ST8SIA5: variants seen among roughly 807,000 people sequenced by gnomAD.
ST8SIA5 encodes alpha-2,8-sialyltransferase 8E.
A neutral mutation model predicts 40.2 loss-of-function variants in ST8SIA5; 24 were observed. That is an observed-to-expected ratio of 0.60 (90% CI 0.43 to 0.84). ST8SIA5 has a LOEUF of 0.84. ST8SIA5 is among the 40% of genes least tolerant of loss of function. The probability of loss-of-function intolerance (pLI) is 0.00; values close to 1 mark genes in which losing one functional copy is unlikely to be tolerated. For synonymous variants in ST8SIA5, 198 were observed against 201.8 expected (o/e 0.98, Z 0.16); for missense variants, 465 against 498.5 (o/e 0.93, Z 0.64).
At chr18:46,745,297 A>G (rs1217185184) in intron 1 of ST8SIA5, among the ~76,000 whole-genome samples, 1 of 152,214 alleles carries the variant, frequency 6.6e-6, no homozygotes, top group Non-Finnish European at 1.5e-5. Context: ...TGAAACGATC[A>G]ACAAAATTGA....
intron 5 of ST8SIA5, among the ~76,000 whole-genome samples, chr18:46,684,962 C>G (rs537925802): frequency 3.5e-4 from 54 of 152,146 alleles, no homozygotes; most frequent in South Asian, 8.3e-4. Flanking sequence ...GCTGGGGAGA[C>G]AGCATTCCAG....
chr18:46,750,648 C>T (rs1165667832), intron 1 of ST8SIA5, among the ~76,000 whole-genome samples: 2 of 152,130 alleles, frequency 1.3e-5, no homozygotes, highest in East Asian at 1.9e-4. Context: ...TCCTGGCATG[C>T]CACAGTTGGC....
At chr18:46,705,174 G>A (rs1288118825) in intron 1 of ST8SIA5, among the ~76,000 whole-genome samples, 1 of 152,176 alleles carries the variant, frequency 6.6e-6, no homozygotes, top group African/African-American at 2.4e-5. Context: ...CCATTTGGCA[G>A]CTGACAATAC....
chr18:46,679,682 G>A lies in ST8SIA5; in HGVS notation c.*360C>T. ...GGGTCTTCCTTCAGCTGCAACAAGGGCCTGCAGTTTGTGCTCTCTCTCGGA... is the reference window on the plus strand; with the variant it reads ...GGGTCTTCCTTCAGCTGCAACAAGGACCTGCAGTTTGTGCTCTCTCTCGGA... On this transcript the variant is annotated 3_prime_UTR_variant, in exon 7 of 7. Coordinates refer to ENST00000315087, the MANE Select transcript of ST8SIA5 (RefSeq NM_013305.6). 2 of 302,954 alleles carry A rather than the reference G, an allele frequency of 6.6e-6. No homozygotes were observed. Among genetic ancestry groups the A allele is most frequent in the South Asian group, 8.5e-5 (2 of 23,536 alleles). 18.8% of individuals were successfully genotyped at this position (302,954 alleles called of 1,614,324 possible).
chr18:46,737,322 T>C (rs537947314), intron 1 of ST8SIA5, among the ~76,000 whole-genome samples: 1 of 152,280 alleles, frequency 6.6e-6, no homozygotes, highest in Admixed American at 6.5e-5. Flanking sequence ...TGCCACAAAA[T>C]TGCGAGTTTA....
intron 1 of ST8SIA5, among the ~76,000 whole-genome samples, chr18:46,725,230 G>C (rs2039904847): frequency 2.0e-5 from 3 of 152,234 alleles, no homozygotes; most frequent in Middle Eastern, 3.4e-3. Flanking sequence ...ACAGCCTAGA[G>C]GCCAAGAAAA....
intron 1 of ST8SIA5, among the ~76,000 whole-genome samples, chr18:46,735,336 T>C (rs1484601020): frequency 1.3e-5 from 2 of 152,232 alleles, no homozygotes; most frequent in African/African-American, 4.8e-5. Flanking sequence ...CTGCCCTTTA[T>C]ATATACATCT....
intron 1 of ST8SIA5, among the ~76,000 whole-genome samples, chr18:46,729,803 C>T (rs2039968708): frequency 6.6e-6 from 1 of 152,164 alleles, no homozygotes; most frequent in Non-Finnish European, 1.5e-5. Context: ...CTGCTGCCCT[C>T]AAGAACTGAC....
intron 1 of ST8SIA5, among the ~76,000 whole-genome samples, chr18:46,742,110 T>TAA (rs1568278935): frequency 1.3e-5 from 2 of 150,210 alleles, no homozygotes; most frequent in African/African-American, 2.4e-5. Context: ...AAAAAATAAA[T>TAA]AAATAAATAA....
chr18:46,756,731 A>G lies in ST8SIA5; in HGVS notation c.-223T>C, dbSNP rs1260270572. On this transcript the variant is annotated 5_prime_UTR_variant, in exon 1 of 7. Coordinates refer to ENST00000315087, the MANE Select transcript of ST8SIA5 (RefSeq NM_013305.6). ...AAGCAGGACAGGGCCGGTGGCAGGGAGCTCTGCCGCGGCCAGGGGCCTTCC... is the reference window on the plus strand; with the variant it reads ...AAGCAGGACAGGGCCGGTGGCAGGGGGCTCTGCCGCGGCCAGGGGCCTTCC... 8.1e-6 allele frequency: 4 copies of G among 495,860 alleles called. No homozygotes were observed. Among genetic ancestry groups the G allele is most frequent in the Non-Finnish European group, 1.4e-5 (4 of 289,844 alleles). 30.7% of individuals were successfully genotyped at this position (495,860 alleles called of 1,614,324 possible).
chr18:46,696,791 A>T (rs1007031550), intron 2 of ST8SIA5, among the ~76,000 whole-genome samples: 1 of 152,248 alleles, frequency 6.6e-6, no homozygotes, highest in African/African-American at 2.4e-5. Flanking sequence ...AAGAGGAATT[A>T]AAAAAGGTAC....
chr18:46,702,110 G>A (rs975921991), intron 2 of ST8SIA5, among the ~76,000 whole-genome samples: 16 of 145,574 alleles, frequency 1.1e-4, no homozygotes, highest in African/African-American at 3.4e-4. Context: ...TGGCACCACT[G>A]CACTCCAGCC....
rs778764047 is a variant in ST8SIA5, at chr18:46,756,468, C to G, written c.41G>C (p.Gly14Ala). 22 of 1,613,080 alleles carry G rather than the reference C, an allele frequency of 1.4e-5. No individual in the cohort carries two copies. In the Admixed American group the frequency reaches 3.7e-4, roughly 27 times the overall value. ...ADPSANRDLL[G>A]SRTLLFIFIC... ...GAAGATGAAGAGCAAAGTTCGGCTC[C>G]CCAACAAATCCCGGTTGGCCGAGGG... Residue 14 changes from glycine to alanine, a missense_variant, in exon 1 of 7, where the codon GGG becomes GCG. By Grantham distance (60) the Gly-to-Ala change is moderately conservative. Coordinates refer to ENST00000315087, the MANE Select transcript of ST8SIA5 (RefSeq NM_013305.6).
In ST8SIA5 at chr18:46,692,257, T is replaced by C. The variant is rs1264860535; in HGVS notation, c.225-2A>G. 6.2e-7 allele frequency: 1 copy of C among 1,613,934 alleles called. No individual in the cohort carries two copies. Among genetic ancestry groups the C allele is most frequent in the Non-Finnish European group, 8.5e-7 (1 of 1,180,002 alleles). On this transcript the variant is annotated splice_acceptor_variant, in intron 2 of 6. Transcript: ENST00000315087. LOFTEE classifies it high-confidence loss of function. ...TCGAACAGCTCTGACTGCTTCACCC[T>C]TGGGAGTAGAGGACAGAAGAGTACA...
chr18:46,692,813 A>G (rs1269707634), intron 2 of ST8SIA5, among the ~76,000 whole-genome samples: 1 of 151,044 alleles, frequency 6.6e-6, no homozygotes, highest in East Asian at 2.0e-4. Flanking sequence ...AAACCAACCA[A>G]TCAGAGCCCA....
At chr18:46,692,449 G>T (rs924772873) in intron 2 of ST8SIA5, among the ~76,000 whole-genome samples, 194 bp from the exon 3 acceptor site, 1 of 151,784 alleles carries the variant, frequency 6.6e-6, no homozygotes. Context: ...CGATGTACAG[G>T]CTGGAGTGCA....
At chr18:46,714,690 A>T (rs1340575678) in intron 1 of ST8SIA5, among the ~76,000 whole-genome samples, 1 of 152,156 alleles carries the variant, frequency 6.6e-6, no homozygotes, top group Non-Finnish European at 1.5e-5. Flanking sequence ...CAGGGGGGGA[A>T]GAGACCCCCT....
chr18:46,703,320 T>C (rs577986665), intron 2 of ST8SIA5, among the ~76,000 whole-genome samples: 1 of 152,082 alleles, frequency 6.6e-6, no homozygotes, highest in East Asian at 1.9e-4. Flanking sequence ...TAATTTTTTG[T>C]GTTTTTTTTA....
At chr18:46,705,486 A>G (rs2039661035) in intron 1 of ST8SIA5, among the ~76,000 whole-genome samples, 1 of 152,254 alleles carries the variant, frequency 6.6e-6, no homozygotes, top group African/African-American at 2.4e-5. Context: ...CATCCTGAAC[A>G]GGCTCTAGGA....
Sources: gnomAD v4.1 joint callset for allele counts (sites outside exome capture counted in the v4.1 genomes callset) on GRCh38, gnomAD v4.1.1 for gene constraint, MANE v1.5 for transcripts, NCBI Gene and HGNC (gene_info 2026-07-23, HGNC 2026-07-21) for gene names.